The following MICAL2 variants were observed in gnomAD, a reference collection of about 807,000 sequenced individuals.
MICAL2 encodes microtubule associated monooxygenase, calponin and LIM domain containing 2.
MICAL2 carries 77 observed loss-of-function variants against 127.3 expected under a neutral mutation model. The observed-to-expected ratio is 0.60, with a 90% CI of 0.50 to 0.73. The LOEUF (loss-of-function observed/expected upper bound fraction) is 0.73, where lower values mean the gene tolerates loss of function less well. Ranked by LOEUF, MICAL2 falls within the 30% of genes least tolerant of loss-of-function variation. MICAL2 has a pLI of 0.00. For missense variants in MICAL2, 1,351 were observed against 1,434.4 expected, an observed-to-expected ratio of 0.94 and a Z score of 0.94; for synonymous variants, 570 against 551.1, an observed-to-expected ratio of 1.03 and a Z score of -0.48.
chr11:12,214,328 G>A (rs562969103), intron 7 of MICAL2, among the ~76,000 whole-genome samples: 26 of 152,150 alleles, frequency 1.7e-4, no homozygotes, highest in African/African-American at 5.8e-4. Flanking sequence ...CAATCTGACC[G>A]CCCCACACGA....
downstream of MICAL2, chr11:12,294,843 C>T: frequency 6.6e-7 from 1 of 1,509,598 alleles, no homozygotes; most frequent in Non-Finnish European, 8.8e-7. Context: ...CCTCCTCCTA[C>T]AGCGGGAGGT....
rs1474018524 is a variant in MICAL2 at position 12,198,822 on chromosome 11, C to T, written c.265-5428C>T. On this transcript the variant is annotated intron_variant, in intron 3 of 27. Transcript: ENST00000683283. ...GTGGCACCTGCCAGTGTGACTTGCACAGGCTCAAGCTCTGTCCAGCCTATG... is the reference window on the plus strand; with the variant it reads ...GTGGCACCTGCCAGTGTGACTTGCATAGGCTCAAGCTCTGTCCAGCCTATG... Among the ~76,000 whole-genome samples, 3 of 152,252 alleles carry T rather than the reference C, an allele frequency of 2.0e-5. No homozygotes were observed. In the East Asian group the frequency reaches 5.8e-4, roughly 29 times the overall value.
chr11:12,252,820 A>T (rs1283732926), intron 22 of MICAL2: 1 of 152,180 alleles, frequency 6.6e-6, no homozygotes, highest in Non-Finnish European at 1.5e-5. Context: ...GATGGAAGTC[A>T]TCATTTCACC....
At chr11:12,214,172 A>T (rs2134205279) in intron 7 of MICAL2, among the ~76,000 whole-genome samples, 1 of 152,330 alleles carries the variant, frequency 6.6e-6, no homozygotes, top group South Asian at 2.1e-4. Flanking sequence ...GTGAGGGGAA[A>T]GGGGGACGAG....
At chr11:12,347,896 G>T (rs1418925099) in intron 32 of MICAL2, among the ~76,000 whole-genome samples, 1 of 152,108 alleles carries the variant, frequency 6.6e-6, no homozygotes, top group East Asian at 1.9e-4. Flanking sequence ...GCTCACACCT[G>T]TAATCCCAAC....
intron 26 of MICAL2, 29 bp downstream of exon 26, chr11:12,259,926 G>A: frequency 6.2e-7 from 1 of 1,609,924 alleles, no homozygotes; most frequent in Non-Finnish European, 8.5e-7. Flanking sequence ...TTAGGAAGGT[G>A]CTGGGCTGGC....
intron 7 of MICAL2, among the ~76,000 whole-genome samples, chr11:12,214,327 C>T (rs772178992): frequency 1.3e-5 from 2 of 152,118 alleles, no homozygotes; most frequent in African/African-American, 2.4e-5. Flanking sequence ...GCAATCTGAC[C>T]GCCCCACACG....
chr11:12,353,638 A>G (rs1008039084), intron 33 of MICAL2, among the ~76,000 whole-genome samples: 5 of 152,074 alleles, frequency 3.3e-5, no homozygotes, highest in Non-Finnish European at 7.4e-5. Flanking sequence ...GGTGATCTCA[A>G]TGGGGCATCC....
At chr11:12,324,789 C>T (rs887412716) in intron 31 of MICAL2, among the ~76,000 whole-genome samples, 9 of 152,176 alleles carry the variant, frequency 5.9e-5, no homozygotes, top group African/African-American at 1.9e-4. Context: ...GACAGAGTGA[C>T]GTCATTCAAT....
intron 1 of MICAL2, among the ~76,000 whole-genome samples, chr11:12,131,011 G>GAAT (rs1305134230): frequency 3.7e-5 from 4 of 107,812 alleles, no homozygotes; most frequent in Non-Finnish European, 4.5e-5. Flanking sequence ...GATCCCAGTA[G>GAAT]GGCCGGGCGC....
intron 15 of MICAL2, among the ~76,000 whole-genome samples, chr11:12,230,603 C>T (rs1858110982): frequency 6.6e-6 from 1 of 152,138 alleles, no homozygotes; most frequent in Non-Finnish European, 1.5e-5. Context: ...TGTGAGTGCA[C>T]ATTTATTTAC....
At chr11:12,251,390 T>C (rs1254039834) in intron 22 of MICAL2, among the ~76,000 whole-genome samples, 1 of 151,714 alleles carries the variant, frequency 6.6e-6, no homozygotes, top group Non-Finnish European at 1.5e-5. Flanking sequence ...CACATTGGCC[T>C]TTGGGGTTGG....
At chr11:12,171,875 ATATTT>A (rs1044600706) in intron 3 of MICAL2, among the ~76,000 whole-genome samples, 3 of 152,226 alleles carry the variant, frequency 2.0e-5, no homozygotes, top group African/African-American at 4.8e-5. Flanking sequence ...TTGTAATAAT[ATATTT>A]TATTTAACCT....
chr11:12,299,843 A>G (rs1590728219), intron 29 of MICAL2, among the ~76,000 whole-genome samples: 1 of 152,310 alleles, frequency 6.6e-6, no homozygotes, highest in South Asian at 2.1e-4. Context: ...TGCCCAACAA[A>G]GGTACTTCTC....
intron 2 of MICAL2, among the ~76,000 whole-genome samples, chr11:12,158,995 T>C (rs1385852): frequency 0.95 from 144,789 of 152,300 alleles, 69,018 homozygotes; most frequent in Middle Eastern, 0.98. Flanking sequence ...AAGGGTGAGA[T>C]GGGTGTTTAG....
intron 17 of MICAL2, 110 bp from the exon 18 acceptor site, chr11:12,240,930 C>G: frequency 7.0e-7 from 1 of 1,422,916 alleles, no homozygotes; most frequent in Non-Finnish European, 9.6e-7. Flanking sequence ...CACTTGCAAC[C>G]TTCGTCTCCC....
chr11:12,186,849 G>A (rs1858363335), intron 3 of MICAL2, among the ~76,000 whole-genome samples: 1 of 152,218 alleles, frequency 6.6e-6, no homozygotes, highest in African/African-American at 2.4e-5. Context: ...AGAGGATACA[G>A]AGCTGTCTCT....
At chr11:12,162,959 A>AGT (rs1855011841) in intron 3 of MICAL2, among the ~76,000 whole-genome samples, 1 of 152,164 alleles carries the variant, frequency 6.6e-6, no homozygotes, top group African/African-American at 2.4e-5. Context: ...CATTTTAGAA[A>AGT]GATCCCCTGG....
rs192174297 is a variant in MICAL2, at chr11:12,119,057, G to A, written c.-149+8331G>A. Reference sequence around the variant, plus strand: ...GGCCCCACTACTTCCTCCTCCTGTAGGGAGCCAACCTCCATCCTTCCCAGC... The same window carrying A: ...GGCCCCACTACTTCCTCCTCCTGTAAGGAGCCAACCTCCATCCTTCCCAGC... On this transcript the variant is annotated intron_variant, in intron 1 of 27. Transcript: ENST00000683283. 2.6e-4 allele frequency among the ~76,000 whole-genome samples: 40 copies of A among 152,172 alleles called. No individual in the cohort carries two copies. In the East Asian group the frequency reaches 7.0e-3, roughly 27 times the overall value.
Sources: gnomAD v4.1 joint callset for allele counts (sites outside exome capture counted in the v4.1 genomes callset) on GRCh38, gnomAD v4.1.1 for gene constraint, MANE v1.5 for transcripts, NCBI Gene and HGNC (gene_info 2026-07-23, HGNC 2026-07-21) for gene names.